The following LRP1B variants were observed in gnomAD, a reference collection of about 807,000 sequenced individuals.
LRP1B encodes low-density lipoprotein receptor-related protein 1B.
In LRP1B, 217 loss-of-function variants were observed where a neutral mutation model predicts 556.6. The observed-to-expected ratio is 0.39, with a 90% CI of 0.35 to 0.44. The LOEUF is 0.44. Among genes scored for constraint, LRP1B ranks in the 20% least tolerant of loss-of-function variants. LRP1B has a pLI of 1.00. For synonymous variants in LRP1B, 2,047 were observed against 1,865.8 expected, an observed-to-expected ratio of 1.10 and a Z score of -2.50; for missense variants, 5,053 against 5,620.8, an observed-to-expected ratio of 0.90 and a Z score of 3.23.
chr2:140,422,923 T>G (rs1685507071), intron 66 of LRP1B, among the ~76,000 whole-genome samples: 1 of 152,186 alleles, frequency 6.6e-6, no homozygotes, highest in Admixed American at 6.5e-5. Context: ...TAGAAATGCA[T>G]TCCATGTTAA....
chr2:142,094,882 G>A (rs1284325059), intron 1 of LRP1B, among the ~76,000 whole-genome samples: 4 of 151,626 alleles, frequency 2.6e-5, no homozygotes, highest in African/African-American at 7.3e-5. Context: ...TAAGTGAATC[G>A]ATAACTGAAA....
intron 3 of LRP1B, among the ~76,000 whole-genome samples, chr2:141,347,066 C>T (rs1181690277): frequency 2.6e-5 from 4 of 152,010 alleles, no homozygotes; most frequent in African/African-American, 4.8e-5. Context: ...TAAAAAGAAA[C>T]ATATCCTGTT....
chr2:141,797,992 C>T (rs1396479694), intron 2 of LRP1B, among the ~76,000 whole-genome samples: 5 of 151,992 alleles, frequency 3.3e-5, no homozygotes, highest in African/African-American at 4.8e-5. Context: ...ATCCTGGATT[C>T]GGTAAAATAA....
chr2:140,285,925 T>C (rs1251227948), intron 84 of LRP1B, among the ~76,000 whole-genome samples: 1 of 151,818 alleles, frequency 6.6e-6, no homozygotes, highest in Non-Finnish European at 1.5e-5. Flanking sequence ...TGTTTTTGCT[T>C]TTGAAGCCTC....
intron 3 of LRP1B, among the ~76,000 whole-genome samples, chr2:141,467,134 A>G (rs377557112): frequency 4.5e-3 from 71 of 15,794 alleles, no homozygotes; most frequent in Middle Eastern, 0.1. Context: ...CTATATATAT[A>G]TATATATATA....
chr2:140,980,368 A>G (rs988590856), intron 18 of LRP1B, among the ~76,000 whole-genome samples: 2 of 152,124 alleles, frequency 1.3e-5, no homozygotes, highest in Non-Finnish European at 2.9e-5. Context: ...GGACCACACA[A>G]TTAGTCTGGA....
intron 2 of LRP1B, among the ~76,000 whole-genome samples, chr2:141,777,477 G>A (rs925664959): frequency 3.3e-5 from 5 of 151,888 alleles, no homozygotes; most frequent in East Asian, 3.9e-4. Flanking sequence ...GTATGGTGGC[G>A]CAGTCTCGGC....
chr2:140,728,954 C>T (rs1019699046), intron 35 of LRP1B, among the ~76,000 whole-genome samples: 4 of 151,880 alleles, frequency 2.6e-5, no homozygotes, highest in African/African-American at 9.7e-5. Context: ...TAAATATCAA[C>T]TATCATAAAC....
chr2:141,035,643 T>G (rs1698511378), intron 11 of LRP1B, among the ~76,000 whole-genome samples: 1 of 152,010 alleles, frequency 6.6e-6, no homozygotes, highest in Non-Finnish European at 1.5e-5. Context: ...AATCATATCA[T>G]CCTGTACCAT....
intron 1 of LRP1B, among the ~76,000 whole-genome samples, chr2:141,967,162 C>T (rs1389294151): frequency 6.6e-6 from 1 of 151,832 alleles, no homozygotes; most frequent in Non-Finnish European, 1.5e-5. Flanking sequence ...TTGTTTCTTT[C>T]CTTACTACTT....
intron 16 of LRP1B, among the ~76,000 whole-genome samples, chr2:140,990,934 T>C (rs1214361423): frequency 2.0e-5 from 3 of 152,122 alleles, no homozygotes; most frequent in Admixed American, 2.0e-4. Flanking sequence ...GAGTAGCAAA[T>C]GCGTGCATTT....
In LRP1B at chr2:141,544,331, C is replaced by CTTCTTCTTCCTCTTCTTCTTCTTCTTCTT. The variant is rs1685424615; in HGVS notation, c.206-63799_206-63798insAAGAAGAAGAAGAAGAAGAGGAAGAAGAA. Among the ~76,000 whole-genome samples, 3 of 29,502 alleles carry CTTCTTCTTCCTCTTCTTCTTCTTCTTCTT rather than the reference C, an allele frequency of 1.0e-4. 1 individual carries two copies. Among genetic ancestry groups the CTTCTTCTTCCTCTTCTTCTTCTTCTTCTT allele is most frequent in the African/African-American group, 2.3e-4 (3 of 13,050 alleles). The allele number at this position is 29,502 out of a possible 152,430, so 19.4% of individuals were successfully genotyped here. A position where few individuals can be genotyped will look rare whatever the true frequency, so the allele number is the denominator to read the frequency against. On this transcript the variant is annotated intron_variant, in intron 2 of 90. Coordinates refer to ENST00000389484, the MANE Select transcript of LRP1B (RefSeq NM_018557.3). ...TCTTCTTCTTCTTCTTCTTCTTCTT[C>CTTCTTCTTCCTCTTCTTCTTCTTCTTCTT]TTCTTCTTCTTCTTCTTCTTCTTCT...
chr2:142,013,820 G>T (rs1189294606), intron 1 of LRP1B, among the ~76,000 whole-genome samples: 1 of 152,122 alleles, frequency 6.6e-6, no homozygotes, highest in East Asian at 1.9e-4. Flanking sequence ...TCTTGAGTGA[G>T]GGATAAGAAA....
At chr2:140,932,802 T>C (rs1461018923) in intron 20 of LRP1B, among the ~76,000 whole-genome samples, 2 of 150,224 alleles carry the variant, frequency 1.3e-5, no homozygotes, top group Non-Finnish European at 3.0e-5. Context: ...TTGCTTGAGT[T>C]CAGTTTTAGG....
At position 140,352,993 on chromosome 2, in the gene LRP1B, G is replaced by T. The variant is rs2105121925; in HGVS notation, c.11610C>A (p.Asp3870Glu). ...TGTTATTTCTTTCTTGAAAATTCTG[G>T]TCACACACACATTTATATGATCCTT... ...NVEGSYKCVCDQNFQERNNTC... is the reference protein window; with the variant it reads ...NVEGSYKCVCEQNFQERNNTC... Residue 3870 changes from aspartate to glutamate, a missense_variant, in exon 76 of 91, where the codon GAC becomes GAA. Asp to Glu is a conservative substitution (Grantham distance 45, BLOSUM62 2). This residue lies in a region of LRP1B where 599 missense variants were observed against 648.4 expected (regional missense o/e 0.92). Transcript: ENST00000389484. 1 of 1,612,570 alleles carries T rather than the reference G, an allele frequency of 6.2e-7. No individual in the cohort carries two copies. Among genetic ancestry groups the T allele is most frequent in the Non-Finnish European group, 8.5e-7 (1 of 1,179,232 alleles).
intron 3 of LRP1B, among the ~76,000 whole-genome samples, chr2:141,347,159 C>T (rs1176696319): frequency 2.0e-5 from 3 of 152,018 alleles, no homozygotes; most frequent in Non-Finnish European, 4.4e-5. Flanking sequence ...GGTTTTTTAA[C>T]TTCACATGGA....
chr2:140,330,211 TAA>T (rs890332698), intron 79 of LRP1B, among the ~76,000 whole-genome samples: 4 of 115,206 alleles, frequency 3.5e-5, no homozygotes, highest in African/African-American at 1.3e-4. Context: ...ATAATAATAA[TAA>T]TAATAATAAT....
chr2:141,313,814 T>C (rs1273215758), intron 3 of LRP1B, among the ~76,000 whole-genome samples: 3 of 152,158 alleles, frequency 2.0e-5, no homozygotes, highest in Non-Finnish European at 4.4e-5. Context: ...CTCCTGCCTT[T>C]ACATTTCTCC....
At chr2:140,580,815 A>G (rs1681730748) in intron 43 of LRP1B, among the ~76,000 whole-genome samples, 1 of 151,902 alleles carries the variant, frequency 6.6e-6, no homozygotes, top group Non-Finnish European at 1.5e-5. Context: ...TCAACTGAAA[A>G]GCTATTACTT....
Sources: allele counts gnomAD v4.1 joint callset (sites outside exome capture counted in the v4.1 genomes callset), GRCh38; gene constraint gnomAD v4.1.1; regional missense constraint gnomAD v4.1.1; transcripts MANE v1.5; gene names NCBI Gene and HGNC (gene_info 2026-07-23, HGNC 2026-07-21).